The following HCN1 variants were observed in gnomAD, a reference collection of about 807,000 sequenced individuals.
HCN1 encodes potassium/sodium hyperpolarization-activated cyclic nucleotide-gated channel 1.
A neutral mutation model predicts 78.9 loss-of-function variants in HCN1; 13 were observed. The ratio of observed to expected loss-of-function variants is 0.16; its 90% CI spans 0.11 to 0.26. The LOEUF (loss-of-function observed/expected upper bound fraction) is 0.26, where lower values mean the gene tolerates loss of function less well. Among genes scored for constraint, HCN1 ranks in the 10% least tolerant of loss-of-function variants. The probability of loss-of-function intolerance (pLI) is 1.00; values close to 1 mark genes in which losing one functional copy is unlikely to be tolerated. For synonymous variants in HCN1, 552 were observed against 455.5 expected, an observed-to-expected ratio of 1.21 and a Z score of -2.70; for missense variants, 810 against 1,154.3, an observed-to-expected ratio of 0.70 and a Z score of 4.32.
chr5:45,488,843 GT>G (rs768135771), intron 2 of HCN1, among the ~76,000 whole-genome samples: 40 of 152,250 alleles, frequency 2.6e-4, no homozygotes, highest in Non-Finnish European at 5.0e-4. Flanking sequence ...TATACTAGGT[GT>G]TTTGACCACA....
intron 2 of HCN1, among the ~76,000 whole-genome samples, chr5:45,603,106 T>C (rs1744656878): frequency 6.6e-6 from 1 of 152,042 alleles, no homozygotes; most frequent in Non-Finnish European, 1.5e-5. Flanking sequence ...TTTCATCCCT[T>C]TAGGAGTTTA....
At chr5:45,622,012 A>G (rs1745071563) in intron 2 of HCN1, among the ~76,000 whole-genome samples, 1 of 152,106 alleles carries the variant, frequency 6.6e-6, no homozygotes, top group South Asian at 2.1e-4. Flanking sequence ...CGAGGTCAGG[A>G]GATCGAGACC....
chr5:45,408,356 A>G (rs558333134), intron 3 of HCN1, among the ~76,000 whole-genome samples: 1 of 152,140 alleles, frequency 6.6e-6, no homozygotes, highest in African/African-American at 2.4e-5. Flanking sequence ...ACACTGTTAT[A>G]CCCTTTTATT....
chr5:45,503,175 C>T (rs1742225918), intron 2 of HCN1, among the ~76,000 whole-genome samples: 3 of 152,014 alleles, frequency 2.0e-5, no homozygotes, highest in Non-Finnish European at 2.9e-5. Context: ...AAATGTTGGT[C>T]GTGGCTGCAA....
chr5:45,456,068 G>GT (rs1330141828), intron 3 of HCN1, among the ~76,000 whole-genome samples: 1 of 151,700 alleles, frequency 6.6e-6, no homozygotes, highest in Non-Finnish European at 1.5e-5. Context: ...TTTTATATCA[G>GT]TTTTTTTCTC....
intron 4 of HCN1, among the ~76,000 whole-genome samples, chr5:45,380,656 T>C (rs984715237): frequency 6.6e-6 from 1 of 152,100 alleles, no homozygotes; most frequent in East Asian, 1.9e-4. Context: ...TAAGACTTCA[T>C]GGCCATGACA....
At chr5:45,565,716 A>T (rs1392622137) in intron 2 of HCN1, among the ~76,000 whole-genome samples, 1 of 152,028 alleles carries the variant, frequency 6.6e-6, no homozygotes, top group East Asian at 1.9e-4. Flanking sequence ...AGGTGGGAGG[A>T]TGGTTTGTTC....
chr5:45,479,339 T>C (rs990336130), intron 2 of HCN1, among the ~76,000 whole-genome samples: 14 of 152,150 alleles, frequency 9.2e-5, no homozygotes, highest in African/African-American at 3.4e-4. Flanking sequence ...AAGCCTTATT[T>C]AGGAAAGTAA....
intron 2 of HCN1, among the ~76,000 whole-genome samples, chr5:45,506,245 A>G (rs1049845673): frequency 1.3e-5 from 2 of 152,112 alleles, no homozygotes; most frequent in Admixed American, 6.5e-5. Context: ...TGGTATTGTC[A>G]TGCTTCAAGT....
chr5:45,396,365 T>G (rs991945159), intron 4 of HCN1, 127 bp downstream of exon 4: 34 of 793,914 alleles, frequency 4.3e-5, no homozygotes, highest in Middle Eastern at 3.5e-4. Flanking sequence ...ATAGTGTGTT[T>G]TTACTTTAAA....
chr5:45,523,541 T>C (rs1430418955), intron 2 of HCN1, among the ~76,000 whole-genome samples: 1 of 152,194 alleles, frequency 6.6e-6, no homozygotes, highest in Non-Finnish European at 1.5e-5. Context: ...ACTTTTTAAA[T>C]GATTGCCATT....
chr5:45,372,513 T>A (rs1194793226), intron 4 of HCN1, among the ~76,000 whole-genome samples: 7 of 126,526 alleles, frequency 5.5e-5, no homozygotes, highest in Non-Finnish European at 4.7e-5. Context: ...ATAAAACATT[T>A]ACATATAAAA....
At position 45,522,194 on chromosome 5, in the gene HCN1, TA is replaced by T. The variant is rs1006536016; in HGVS notation, c.850-60188del. Among the ~76,000 whole-genome samples the T allele has an allele frequency of 2.6e-5, 4 of 152,074 alleles. No individual in the cohort carries two copies. In the South Asian group the frequency reaches 6.2e-4, roughly 24 times the overall value. On this transcript the variant is annotated intron_variant, in intron 2 of 7. Transcript: ENST00000303230. The stretch of plus-strand genomic sequence containing the variant: ...TTCTAATTTTATTCCCCTAAGTTGT[TA>T]AAAAAAGTCATGTATCCAGAATTAC...
intron 3 of HCN1, among the ~76,000 whole-genome samples, chr5:45,433,440 A>T (rs996927130): frequency 6.6e-6 from 1 of 151,574 alleles, no homozygotes; most frequent in Non-Finnish European, 1.5e-5. Context: ...ATTTTTCTAC[A>T]TCCTTTTACT....
At chr5:45,637,783 G>C (rs1295322131) in intron 2 of HCN1, among the ~76,000 whole-genome samples, 1 of 152,094 alleles carries the variant, frequency 6.6e-6, no homozygotes, top group Non-Finnish European at 1.5e-5. Flanking sequence ...CATAGTTAAA[G>C]AATATGAGCA....
At chr5:45,582,674 T>G (rs946215351) in intron 2 of HCN1, among the ~76,000 whole-genome samples, 5 of 152,206 alleles carry the variant, frequency 3.3e-5, no homozygotes, top group Admixed American at 1.3e-4. Flanking sequence ...AGATAGCTCT[T>G]ATTATTTTGA....
chr5:45,304,462 G>A (rs528319402), intron 5 of HCN1, among the ~76,000 whole-genome samples: 1 of 152,016 alleles, frequency 6.6e-6, no homozygotes, highest in South Asian at 2.1e-4. Flanking sequence ...TGGATCACGA[G>A]GTCAGGAGTT....
At chr5:45,492,418 T>TATATAA (rs1683576996) in intron 2 of HCN1, among the ~76,000 whole-genome samples, 2 of 144,916 alleles carry the variant, frequency 1.4e-5, no homozygotes, top group African/African-American at 5.1e-5. Context: ...TATATATATA[T>TATATAA]ATATAAAATT....
intron 2 of HCN1, among the ~76,000 whole-genome samples, chr5:45,480,413 G>A (rs1168157097): frequency 6.6e-6 from 1 of 152,064 alleles, no homozygotes; most frequent in Non-Finnish European, 1.5e-5. Flanking sequence ...AATAACAATT[G>A]CAATAAGTAG....
Sources: allele counts gnomAD v4.1 joint callset (sites outside exome capture counted in the v4.1 genomes callset), GRCh38; gene constraint gnomAD v4.1.1; transcripts MANE v1.5; gene names NCBI Gene and HGNC (gene_info 2026-07-23, HGNC 2026-07-21).